The following SLIT3 variants were observed in gnomAD, a reference collection of about 807,000 sequenced individuals.
The protein encoded by SLIT3 is slit guidance ligand 3, also known as slit homolog 3 protein.
In SLIT3, 68 loss-of-function variants were observed where a neutral mutation model predicts 184.0. The observed-to-expected ratio is 0.37, with a 90% CI of 0.30 to 0.45. The LOEUF (loss-of-function observed/expected upper bound fraction) is 0.45, where lower values mean the gene tolerates loss of function less well. Among genes scored for constraint, SLIT3 ranks in the 20% least tolerant of loss-of-function variants. The pLI, the probability that SLIT3 is intolerant of heterozygous loss-of-function variation, is 1.00. For missense variants in SLIT3, 1,707 were observed against 2,026.0 expected, an observed-to-expected ratio of 0.84 and a Z score of 3.02; for synonymous variants, 831 against 828.6, an observed-to-expected ratio of 1.00 and a Z score of -0.05.
At chr5:169,259,480 A>G (rs988571450) in intron 1 of SLIT3, among the ~76,000 whole-genome samples, 16 of 152,214 alleles carry the variant, frequency 1.1e-4, no homozygotes, top group African/African-American at 3.6e-4. Flanking sequence ...TTCATCTGTG[A>G]TAGTGAGATC....
chr5:168,774,487 C>T, intron 12 of SLIT3, 109 bp from the exon 13 acceptor site: 1 of 1,136,930 alleles, frequency 8.8e-7, no homozygotes, highest in Non-Finnish European at 1.3e-6. Context: ...CTCATCCTTG[C>T]AGCCTTGAGC....
intron 12 of SLIT3, among the ~76,000 whole-genome samples, chr5:168,778,111 T>C (rs745606866): frequency 6.6e-6 from 1 of 152,172 alleles, no homozygotes; most frequent in African/African-American, 2.4e-5. Context: ...TCATCCCTGT[T>C]TGAGGAGCAT....
chr5:168,883,281 T>G lies in SLIT3; in HGVS notation c.469A>C (p.Thr157Pro). 1 of 1,614,118 alleles carries G rather than the reference T, an allele frequency of 6.2e-7. No individual in the cohort carries two copies. Among genetic ancestry groups the G allele is most frequent in the Non-Finnish European group, 8.5e-7 (1 of 1,179,928 alleles). ...GIPRKAFRGI[T>P]DVKNLQLDNN... is the part of the protein sequence containing the mutation. ...ATCACTTACAGGTTCTTCACATCGGTGATGCCGCGGAACGCCTTCCTCGGG... is the reference window on the plus strand; with the variant it reads ...ATCACTTACAGGTTCTTCACATCGGGGATGCCGCGGAACGCCTTCCTCGGG... Residue 157 changes from threonine (T) to proline (P), a missense_variant, in exon 5 of 36, where the codon ACC becomes CCC. Thr to Pro is a conservative substitution (Grantham distance 38). Around this residue, in one of 3 missense-constraint regions of SLIT3, gnomAD observed 1,307 missense variants for 1,511.6 expected, o/e 0.86. Transcript: ENST00000519560.
At chr5:168,949,659 G>A (rs62377201) in intron 4 of SLIT3, among the ~76,000 whole-genome samples, 8,002 of 152,190 alleles carry the variant, frequency 0.053, 287 homozygotes, top group East Asian at 0.16. Context: ...AGTGCATGGC[G>A]CGAGATTACG....
intron 4 of SLIT3, among the ~76,000 whole-genome samples, chr5:168,966,018 C>T (rs756481148): frequency 1.3e-5 from 2 of 152,206 alleles, no homozygotes; most frequent in Non-Finnish European, 2.9e-5. Flanking sequence ...AAAGCTTAGG[C>T]AGTCATAATG....
chr5:169,121,999 G>C (rs1760893855), intron 4 of SLIT3, among the ~76,000 whole-genome samples: 1 of 152,202 alleles, frequency 6.6e-6, no homozygotes, highest in South Asian at 2.1e-4. Context: ...TTTACCAAAT[G>C]GTAGCTCCTT....
At chr5:168,823,389 T>A in intron 6 of SLIT3, 58 bp from the exon 7 acceptor site, 1 of 1,261,278 alleles carries the variant, frequency 7.9e-7, no homozygotes, top group South Asian at 1.2e-5. Flanking sequence ...GGCACCAAGA[T>A]GCTTGTAGTA....
At chr5:169,031,061 C>T (rs17734443) in intron 4 of SLIT3, among the ~76,000 whole-genome samples, 18,126 of 152,130 alleles carry the variant, frequency 0.12, 1,336 homozygotes, top group East Asian at 0.43. Context: ...GTCCTCATTT[C>T]CTGTCTTGAG....
chr5:168,684,211 A>C, intron 31 of SLIT3, 115 bp from the exon 32 acceptor site: 1 of 1,101,856 alleles, frequency 9.1e-7, no homozygotes, highest in South Asian at 2.1e-5. Flanking sequence ...CTGCGTCTAA[A>C]TTCATGTCCA....
intron 29 of SLIT3, 83 bp downstream of exon 29, chr5:168,692,524 A>T: frequency 4.9e-6 from 4 of 824,186 alleles, no homozygotes; most frequent in Non-Finnish European, 8.2e-6. Flanking sequence ...GCATGCAGAG[A>T]GACCAGAGAC....
intron 1 of SLIT3, among the ~76,000 whole-genome samples, chr5:169,256,174 T>C (rs974382746): frequency 6.6e-6 from 1 of 152,170 alleles, no homozygotes; most frequent in African/African-American, 2.4e-5. Flanking sequence ...TAGCCAGTCA[T>C]GGTGATATAC....
At chr5:168,898,979 T>C (rs2113823614) in intron 4 of SLIT3, among the ~76,000 whole-genome samples, 1 of 152,340 alleles carries the variant, frequency 6.6e-6, no homozygotes, top group South Asian at 2.1e-4. Flanking sequence ...GCTATTACCA[T>C]AACATCCAAA....
chr5:169,279,933 G>A (rs1450961104), intron 1 of SLIT3, among the ~76,000 whole-genome samples: 3 of 152,324 alleles, frequency 2.0e-5, no homozygotes, highest in African/African-American at 7.2e-5. Flanking sequence ...TCACTTATTA[G>A]CAGTCACCAC....
intron 4 of SLIT3, among the ~76,000 whole-genome samples, chr5:169,011,287 C>A (rs1200938985): frequency 6.6e-6 from 1 of 152,170 alleles, no homozygotes; most frequent in African/African-American, 2.4e-5. Context: ...CATTACCACT[C>A]TCCAGTGTGT....
chr5:168,732,411 C>T (rs1763314191), intron 20 of SLIT3, among the ~76,000 whole-genome samples: 1 of 151,984 alleles, frequency 6.6e-6, no homozygotes, highest in Non-Finnish European at 1.5e-5. Flanking sequence ...AGATTCATTG[C>T]AATCCCTACC....
intron 4 of SLIT3, among the ~76,000 whole-genome samples, chr5:169,057,323 G>T (rs564423648): frequency 6.2e-4 from 94 of 152,350 alleles, no homozygotes; most frequent in Middle Eastern, 3.4e-3. Flanking sequence ...CTGAGCTGAG[G>T]TCTGGAAAGA....
intron 4 of SLIT3, among the ~76,000 whole-genome samples, chr5:169,181,847 A>C (rs6868004): frequency 0.12 from 18,520 of 152,196 alleles, 2,349 homozygotes; most frequent in African/African-American, 0.31. Context: ...GAGATTAGTC[A>C]TAGGTTATCC....
At chr5:168,897,646 G>GCGCGCGCGCGCGCGCACACACA in intron 4 of SLIT3, among the ~76,000 whole-genome samples, 24 of 105,438 alleles carry the variant, frequency 2.3e-4, no homozygotes, top group South Asian at 2.8e-4. Flanking sequence ...ACAGGTGCAC[G>GCGCGCGCGCGCGCGCACACACA]TACACACACA....
intron 20 of SLIT3, among the ~76,000 whole-genome samples, chr5:168,739,332 C>T (rs775134880): frequency 6.6e-6 from 1 of 152,156 alleles, no homozygotes; most frequent in South Asian, 2.1e-4. Flanking sequence ...TAAGAAAATG[C>T]CACTTGTTGA....
Sources: allele counts gnomAD v4.1 joint callset (sites outside exome capture counted in the v4.1 genomes callset), GRCh38; gene constraint gnomAD v4.1.1; regional missense constraint gnomAD v4.1.1; transcripts MANE v1.5; gene names NCBI Gene and HGNC (gene_info 2026-07-23, HGNC 2026-07-21).